The following RIC1 variants were observed in gnomAD, a reference collection of about 807,000 sequenced individuals.
The protein encoded by RIC1 is RIC1 partner of RAB6A GEF complex, also known as guanine nucleotide exchange factor subunit RIC1.
Under a neutral mutation model 169.0 loss-of-function variants are expected in RIC1, and 88 were observed. That is an observed-to-expected ratio of 0.52 (90% CI 0.44 to 0.62). The LOEUF is 0.62. Ranked by LOEUF, RIC1 falls within the 20% of genes least tolerant of loss-of-function variation. The probability of loss-of-function intolerance (pLI) is 0.00; values close to 1 mark genes in which losing one functional copy is unlikely to be tolerated. For synonymous variants in RIC1, 790 were observed against 601.5 expected (o/e 1.31, Z -4.59); for missense variants, 1,877 against 1,725.5 (o/e 1.09, Z -1.56).
Position 5,773,967 on chromosome 9 carries a change from T to C in RIC1, c.3993T>C (p.Tyr1331=). 6.2e-7 allele frequency: 1 copy of C among 1,603,070 alleles called. No homozygotes were observed. The highest frequency in any genetic ancestry group is 8.5e-7 in the Non-Finnish European group (1 of 1,175,312). The change falls in exon 26 of 26, where the codon TAT becomes TAC. Residue 1331 remains tyrosine (Y), a synonymous_variant. Coordinates refer to ENST00000414202, the MANE Select transcript of RIC1 (RefSeq NM_020829.4). The stretch of plus-strand genomic sequence containing the variant: ...TTTTTTCTCTACATAGTCCTGGATA[T>C]AAGCCATTTTTAAACATCATTAAGC... ...DRWASTDCPG[Y]KPFLNIIKPQ...
intron 3 of RIC1, among the ~76,000 whole-genome samples, chr9:5,691,721 ATGTT>A (rs1340080130): frequency 6.6e-6 from 1 of 151,706 alleles, no homozygotes; most frequent in African/African-American, 2.4e-5. Context: ...TTAAACTACT[ATGTT>A]TGTTTTATTG....
chr9:5,757,244 C>T, intron 16 of RIC1, 69 bp from the exon 17 acceptor site: 2 of 1,517,696 alleles, frequency 1.3e-6, no homozygotes, highest in South Asian at 1.1e-5. Flanking sequence ...AATACTATTA[C>T]TAGTGGAAAA....
intron 6 of RIC1, among the ~76,000 whole-genome samples, chr9:5,729,515 A>T (rs1358123287): frequency 6.6e-6 from 1 of 151,974 alleles, no homozygotes; most frequent in African/African-American, 2.4e-5. Flanking sequence ...AGCTTCTAAA[A>T]TTTTCTAATG....
chr9:5,762,459 A>G (rs1311508327), intron 17 of RIC1, 82 bp from the exon 18 acceptor site: 7 of 1,529,676 alleles, frequency 4.6e-6, no homozygotes, highest in East Asian at 2.3e-5. Flanking sequence ...TGTTTGACCT[A>G]TAAACCTTAT....
chr9:5,725,524 A>AT (rs572474234), intron 6 of RIC1, among the ~76,000 whole-genome samples: 27 of 151,940 alleles, frequency 1.8e-4, no homozygotes, highest in Admixed American at 1.2e-3. Context: ...GCATTCATTG[A>AT]TTTTTTTGAT....
At chr9:5,637,506 A>G (rs1210725513) in intron 1 of RIC1, among the ~76,000 whole-genome samples, 6 of 152,188 alleles carry the variant, frequency 3.9e-5, no homozygotes, top group African/African-American at 1.4e-4. Context: ...ATACAATTAA[A>G]TTATTTTGAC....
Position 5,774,888 on chromosome 9 carries a change from C to G in RIC1, c.*642C>G, listed in dbSNP as rs1003629000. 2.6e-5 allele frequency: 4 copies of G among 152,190 alleles called. No individual in the cohort carries two copies. Among genetic ancestry groups the G allele is most frequent in the African/African-American group, 9.7e-5 (4 of 41,446 alleles). 9.4% of individuals were successfully genotyped at this position (152,190 alleles called of 1,614,324 possible). A position where few individuals can be genotyped will look rare whatever the true frequency, so the allele number is the denominator to read the frequency against. On this transcript the variant is annotated 3_prime_UTR_variant, in exon 26 of 26. Coordinates refer to ENST00000414202, the MANE Select transcript of RIC1 (RefSeq NM_020829.4). ...TTGATTCCCATTAGACCAATGTGGGCAGAGGTCTGAGGGGGTTCTTCTCAA... is the reference window on the plus strand; with the variant it reads ...TTGATTCCCATTAGACCAATGTGGGGAGAGGTCTGAGGGGGTTCTTCTCAA...
At chr9:5,655,453 A>G (rs1230264536) in intron 1 of RIC1, among the ~76,000 whole-genome samples, 2 of 152,046 alleles carry the variant, frequency 1.3e-5, no homozygotes, top group Admixed American at 1.3e-4. Context: ...GGCGCCTGCC[A>G]CCACACCGGG....
chr9:5,750,796 T>TA (rs1486355743), intron 12 of RIC1, among the ~76,000 whole-genome samples: 1 of 151,684 alleles, frequency 6.6e-6, no homozygotes, highest in Non-Finnish European at 1.5e-5. Context: ...GCCTCTTCCT[T>TA]ACTTCTGCCA....
chr9:5,652,471 G>A (rs549988325), intron 1 of RIC1, among the ~76,000 whole-genome samples: 1 of 152,096 alleles, frequency 6.6e-6, no homozygotes, highest in East Asian at 1.9e-4. Context: ...CTATTAATAA[G>A]TGGGATTGTT....
chr9:5,727,439 T>G (rs921054713), intron 6 of RIC1, among the ~76,000 whole-genome samples: 4 of 152,234 alleles, frequency 2.6e-5, no homozygotes, highest in Non-Finnish European at 5.9e-5. Context: ...GCCATTTGTC[T>G]AATCTTTTTT....
intron 1 of RIC1, among the ~76,000 whole-genome samples, chr9:5,635,355 G>A (rs1817921352): frequency 6.6e-6 from 1 of 152,068 alleles, no homozygotes. Flanking sequence ...TTCTTGAGTT[G>A]ATAGTGTAAG....
At chr9:5,764,373 G>A (rs1586713662) in intron 19 of RIC1, among the ~76,000 whole-genome samples, 1 of 152,140 alleles carries the variant, frequency 6.6e-6, no homozygotes, top group African/African-American at 2.4e-5. Flanking sequence ...AGCTGAGAAG[G>A]CTCAGGCCTG....
intron 12 of RIC1, among the ~76,000 whole-genome samples, chr9:5,751,969 G>T (rs1445899771): frequency 6.6e-6 from 1 of 152,070 alleles, no homozygotes; most frequent in Non-Finnish European, 1.5e-5. Context: ...AAATAAATTT[G>T]AACAGATCGA....
chr9:5,723,375 A>G (rs999554963), intron 6 of RIC1, among the ~76,000 whole-genome samples: 6 of 152,194 alleles, frequency 3.9e-5, no homozygotes, highest in African/African-American at 9.7e-5. Flanking sequence ...GTGTCTGTTC[A>G]TAGCCTTCGC....
intron 6 of RIC1, among the ~76,000 whole-genome samples, chr9:5,729,952 T>A (rs1283895382): frequency 6.6e-6 from 1 of 152,190 alleles, no homozygotes; most frequent in East Asian, 1.9e-4. Context: ...TGATTGACTC[T>A]TTTCCAAGTA....
At position 5,773,032 on chromosome 9, in the gene RIC1, A is replaced by G. The variant is rs750908534; in HGVS notation, c.3935A>G (p.Asn1312Ser). 2.5e-6 allele frequency: 4 copies of G among 1,613,612 alleles called. No individual in the cohort carries two copies. In the African/African-American group the frequency reaches 5.3e-5, roughly 22 times the overall value. Residue 1312 changes from asparagine to serine, a missense_variant, in exon 25 of 26, where the codon AAC becomes AGC. By Grantham distance (46) the Asn-to-Ser change is conservative (BLOSUM62 1). Coordinates refer to ENST00000414202, the MANE Select transcript of RIC1 (RefSeq NM_020829.4). ...GAGGTAGATGGAGAGATGTTACAGA[A>G]CATAAAGACAGGGCTCCATGCAGTG... is the stretch of plus-strand genomic sequence containing the variant. ...SSEVDGEMLQNIKTGLHAVDR... is the reference protein window; with the variant it reads ...SSEVDGEMLQSIKTGLHAVDR...
In RIC1 at chr9:5,753,208, C is replaced by A; in HGVS notation, c.1461C>A (p.Ser487Arg). 6.2e-7 allele frequency: 1 copy of A among 1,612,752 alleles called. No homozygotes were observed. Among genetic ancestry groups the A allele is most frequent in the Non-Finnish European group, 8.5e-7 (1 of 1,178,854 alleles). ...HRHWHVVQIS[S>R]TYLESNWPIR... ...TGTGTTATTTTCTATAGATTTCCAGCACCTATCTAGAGAGCAATTGGCCTA... is the reference window on the plus strand; with the variant it reads ...TGTGTTATTTTCTATAGATTTCCAGAACCTATCTAGAGAGCAATTGGCCTA... Residue 487 changes from serine (S) to arginine (R), a missense_variant, in exon 13 of 26, where the codon AGC becomes AGA. By Grantham distance (110) the Ser-to-Arg change is moderately radical. Around this residue, in one of 3 missense-constraint regions of RIC1, gnomAD observed 1,104 missense variants for 992.0 expected, o/e 1.11. Transcript: ENST00000414202.
chr9:5,774,218 A>T lies in RIC1; in HGVS notation c.4244A>T (p.Asp1415Val), dbSNP rs757410696. 5.0e-6 allele frequency: 8 copies of T among 1,612,786 alleles called. No individual in the cohort carries two copies. The highest frequency in any genetic ancestry group is 6.8e-6 in the Non-Finnish European group (8 of 1,179,306). Reference protein sequence around the residue: ...AQAEEEEPFQDGTYDCSVS With the variant: ...AQAEEEEPFQVGTYDCSVS ...GCAGAGGAGGAAGAACCTTTTCAGG[A>T]TGGGACTTACGACTGTTCTGTGTCC... Residue 1415 changes from aspartate to valine, a missense_variant, in exon 26 of 26, where the codon GAT (aspartate) becomes GTT (valine). Asp to Val is a radical substitution (Grantham distance 152). Transcript: ENST00000414202.
Sources: gnomAD v4.1 joint callset for allele counts (sites outside exome capture counted in the v4.1 genomes callset) on GRCh38, gnomAD v4.1.1 for gene constraint, gnomAD v4.1.1 regional missense constraint, MANE v1.5 for transcripts, NCBI Gene and HGNC (gene_info 2026-07-23, HGNC 2026-07-21) for gene names.